PRELID2: variants seen among roughly 807,000 people sequenced by gnomAD.
The protein encoded by PRELID2 is PRELI domain containing 2.
PRELID2 carries 25 observed loss-of-function variants against 28.4 expected under a neutral mutation model. That is an observed-to-expected ratio of 0.88 (90% CI 0.64 to 1.23). PRELID2 has a LOEUF of 1.23. PRELID2 is among the 50% of genes most tolerant of loss of function. The probability of loss-of-function intolerance (pLI) is 0.00; values close to 1 mark genes in which losing one functional copy is unlikely to be tolerated. For missense variants in PRELID2, 201 were observed against 214.4 expected, an observed-to-expected ratio of 0.94 and a Z score of 0.39; for synonymous variants, 76 against 71.6, an observed-to-expected ratio of 1.06 and a Z score of -0.31.
Position 145,758,184 on chromosome 5 carries a change from T to A in PRELID2, c.*2352A>T, listed in dbSNP as rs968677333. Among the ~76,000 whole-genome samples, 3 of 152,072 alleles carry A rather than the reference T, an allele frequency of 2.0e-5. No homozygotes were observed. Among genetic ancestry groups the A allele is most frequent in the African/African-American group, 7.2e-5 (3 of 41,410 alleles). ...CTAGGAGATTTTTTTTTTAATTCTG[T>A]CTTTTCTTAGAAAATTGGAAATAGG... On this transcript the variant is annotated 3_prime_UTR_variant, in exon 7 of 7. Coordinates refer to ENST00000683046, the MANE Select transcript of PRELID2 (RefSeq NM_205846.3).
At chr5:145,765,850 T>C (rs1757719931) in intron 5 of PRELID2, among the ~76,000 whole-genome samples, 1 of 152,172 alleles carries the variant, frequency 6.6e-6, no homozygotes, top group Non-Finnish European at 1.5e-5. Flanking sequence ...CACATTTTAC[T>C]GACGAGGAAA....
At chr5:145,368,216 A>T in the PRELID2 span, among the ~76,000 whole-genome samples, 6 of 152,006 alleles carry the variant, frequency 3.9e-5, no homozygotes, top group African/African-American at 1.4e-4. Flanking sequence ...TAGAATGTAC[A>T]TGGCACTATT....
chr5:145,548,595 A>G (rs1441606773), intron 1 of PRELID2, among the ~76,000 whole-genome samples: 1 of 152,066 alleles, frequency 6.6e-6, no homozygotes, highest in African/African-American at 2.4e-5. Flanking sequence ...TCTGGGCATC[A>G]TTTCTGTTGA....
chr5:145,305,723 C>T, the PRELID2 span, among the ~76,000 whole-genome samples: 1 of 152,100 alleles, frequency 6.6e-6, no homozygotes, highest in East Asian at 1.9e-4. Flanking sequence ...TACAAACACA[C>T]ACACACTTAT....
chr5:145,431,006 G>GTTTTTT, the PRELID2 span, among the ~76,000 whole-genome samples: 2 of 55,552 alleles, frequency 3.6e-5, no homozygotes, highest in African/African-American at 6.0e-5. Flanking sequence ...CCTGGCAATG[G>GTTTTTT]TTTTTTTTTT....
the PRELID2 span, among the ~76,000 whole-genome samples, chr5:145,328,370 A>G: frequency 6.6e-6 from 1 of 152,198 alleles, no homozygotes; most frequent in African/African-American, 2.4e-5. Context: ...ACAGTCTTCT[A>G]AAACGGTTGA....
At chr5:145,347,333 T>C in the PRELID2 span, among the ~76,000 whole-genome samples, 98,980 of 152,028 alleles carry the variant, frequency 0.65, 32,432 homozygotes, top group East Asian at 0.89. Context: ...TCTTTGAAAG[T>C]TTTGTAGTGA....
At chr5:145,291,718 G>T in the PRELID2 span, among the ~76,000 whole-genome samples, 1 of 152,010 alleles carries the variant, frequency 6.6e-6, no homozygotes, top group Non-Finnish European at 1.5e-5. Flanking sequence ...AGGTTACTTA[G>T]ATTTTCTCCT....
chr5:145,707,558 C>G (rs572372593), intron 1 of PRELID2, among the ~76,000 whole-genome samples: 1 of 152,190 alleles, frequency 6.6e-6, no homozygotes, highest in East Asian at 1.9e-4. Flanking sequence ...CCATAAGGTA[C>G]TGAAATGGTG....
the PRELID2 span, among the ~76,000 whole-genome samples, chr5:145,424,013 A>C: frequency 1.2e-3 from 176 of 151,254 alleles, 1 homozygote; most frequent in African/African-American, 3.5e-3. Context: ...TGTCAGTGTG[A>C]CCCTGCTGGG....
the PRELID2 span, among the ~76,000 whole-genome samples, chr5:145,260,348 CAG>C: frequency 6.6e-6 from 1 of 151,602 alleles, no homozygotes; most frequent in African/African-American, 2.4e-5. Flanking sequence ...AAACTAAAGA[CAG>C]AAAAAAAAAT....
At chr5:145,795,384 G>T (rs1014292) in intron 5 of PRELID2, 2 of 152,008 alleles carry the variant, frequency 1.3e-5, no homozygotes, top group Non-Finnish European at 2.9e-5. Flanking sequence ...ACCTCAACTG[G>T]AGCAAGAACA....
At chr5:145,306,043 C>T in the PRELID2 span, among the ~76,000 whole-genome samples, 37,208 of 152,100 alleles carry the variant, frequency 0.24, 5,050 homozygotes, top group Non-Finnish European at 0.3. Context: ...GACTCTTGCA[C>T]GACAAACTAT....
chr5:145,819,389 CA>C, intron 3 of PRELID2: 14 of 1,603,606 alleles, frequency 8.7e-6, no homozygotes, highest in Non-Finnish European at 1.1e-5. Flanking sequence ...CTTTTTCCAA[CA>C]AAGAATCACC....
the PRELID2 span, among the ~76,000 whole-genome samples, chr5:145,370,784 T>C: frequency 6.6e-6 from 1 of 152,150 alleles, no homozygotes; most frequent in Non-Finnish European, 1.5e-5. Context: ...GTTTCCTCTC[T>C]TATCTCCTTG....
At chr5:145,473,307 A>G (rs1357745936) in exon 2 of PRELID2, 1 of 152,118 alleles carries the variant, frequency 6.6e-6, no homozygotes, top group Admixed American at 6.6e-5. Flanking sequence ...TTATTTCCCC[A>G]TTTATAAGCT....
At chr5:145,478,779 T>C (rs1752130457) in intron 1 of PRELID2, among the ~76,000 whole-genome samples, 1 of 152,204 alleles carries the variant, frequency 6.6e-6, no homozygotes, top group Non-Finnish European at 1.5e-5. Context: ...TTAGGTTTTA[T>C]TCGATAACTA....
chr5:145,565,557 A>C (rs1414056397), intron 1 of PRELID2, among the ~76,000 whole-genome samples: 2 of 152,240 alleles, frequency 1.3e-5, no homozygotes, highest in African/African-American at 4.8e-5. Context: ...AAGCTTGGTC[A>C]CTTGTAGTCA....
intron 1 of PRELID2, among the ~76,000 whole-genome samples, chr5:145,533,528 C>A (rs1752672937): frequency 6.6e-6 from 1 of 152,130 alleles, no homozygotes; most frequent in African/African-American, 2.4e-5. Flanking sequence ...ACATGCTTTG[C>A]TCAATGTTTT....
Sources: gnomAD v4.1 joint callset for allele counts (sites outside exome capture counted in the v4.1 genomes callset) on GRCh38, gnomAD v4.1.1 for gene constraint, MANE v1.5 for transcripts, NCBI Gene and HGNC (gene_info 2026-07-23, HGNC 2026-07-21) for gene names.